The following DCDC1 variants were observed in gnomAD, a reference collection of about 807,000 sequenced individuals.
DCDC1 encodes doublecortin domain containing 1.
In DCDC1, 200 loss-of-function variants were observed where a neutral mutation model predicts 178.3. The ratio of observed to expected loss-of-function variants is 1.12; its 90% CI spans 1.00 to 1.26. DCDC1 has a LOEUF of 1.26. DCDC1 is among the 50% of genes most tolerant of loss of function. The probability of loss-of-function intolerance (pLI) is 0.00; values close to 1 mark genes in which losing one functional copy is unlikely to be tolerated. For missense variants in DCDC1, 1,983 were observed against 1,749.2 expected (o/e 1.13, Z -2.38); for synonymous variants, 690 against 604.8 (o/e 1.14, Z -2.07).
At chr11:31,114,238 T>G (rs918384952) in intron 11 of DCDC1, among the ~76,000 whole-genome samples, 2 of 152,072 alleles carry the variant, frequency 1.3e-5, no homozygotes, top group African/African-American at 4.8e-5. Flanking sequence ...TCACGTGGTA[T>G]AAGAAAGGGT....
intron 20 of DCDC1, among the ~76,000 whole-genome samples, chr11:31,008,360 G>T (rs555555923): frequency 6.6e-6 from 1 of 152,074 alleles, no homozygotes; most frequent in African/African-American, 2.4e-5. Context: ...AGAGTAAGAG[G>T]TAGGGTGGAT....
At chr11:30,996,873 C>T (rs569996460) in intron 20 of DCDC1, among the ~76,000 whole-genome samples, 9 of 152,166 alleles carry the variant, frequency 5.9e-5, no homozygotes, top group Non-Finnish European at 1.0e-4. Flanking sequence ...AAATTTTGTT[C>T]GCATAAAAAC....
At chr11:30,889,704 C>T (rs988161972) in intron 36 of DCDC1, among the ~76,000 whole-genome samples, 2 of 152,190 alleles carry the variant, frequency 1.3e-5, no homozygotes, top group Non-Finnish European at 2.9e-5. Flanking sequence ...GGAAGAGATT[C>T]GAAGTTTCTA....
chr11:31,154,512 A>C (rs1965523360), intron 9 of DCDC1, among the ~76,000 whole-genome samples: 2 of 152,178 alleles, frequency 1.3e-5, no homozygotes, highest in Admixed American at 1.3e-4. Flanking sequence ...GATCCCTTCT[A>C]CCAGACTGAG....
intron 1 of DCDC1, among the ~76,000 whole-genome samples, chr11:31,349,111 T>C (rs568866740): frequency 5.9e-5 from 9 of 152,260 alleles, no homozygotes; most frequent in Non-Finnish European, 1.3e-4. Flanking sequence ...GTGACAAATG[T>C]TTTTGCTTGT....
intron 11 of DCDC1, among the ~76,000 whole-genome samples, chr11:31,111,947 A>T (rs1959183706): frequency 6.6e-6 from 1 of 152,202 alleles, no homozygotes; most frequent in South Asian, 2.1e-4. Flanking sequence ...TACCTTCATT[A>T]GCTCACTACT....
chr11:31,098,390 A>T (rs371247677), intron 15 of DCDC1, among the ~76,000 whole-genome samples: 50 of 152,292 alleles, frequency 3.3e-4, no homozygotes, highest in African/African-American at 1.1e-3. Flanking sequence ...TCTGTTTTTG[A>T]AATGGATAAG....
intron 29 of DCDC1, 83 bp downstream of exon 29, chr11:30,908,863 A>AG: frequency 7.6e-7 from 1 of 1,308,882 alleles, no homozygotes; most frequent in Non-Finnish European, 1.0e-6. Context: ...AAAGTTTTCT[A>AG]GGGAAAAAAA....
chr11:31,296,412 C>T (rs889238074), intron 6 of DCDC1, among the ~76,000 whole-genome samples: 1 of 152,154 alleles, frequency 6.6e-6, no homozygotes, highest in African/African-American at 2.4e-5. Flanking sequence ...CTTACTGCTC[C>T]ATCAACAACA....
intron 2 of DCDC1, among the ~76,000 whole-genome samples, chr11:31,330,037 T>G (rs1443923498): frequency 6.6e-6 from 1 of 152,200 alleles, no homozygotes. Context: ...GCATTCCTAT[T>G]TCTCCACATC....
At chr11:31,309,676 G>T (rs1010127861) in intron 3 of DCDC1, among the ~76,000 whole-genome samples, 8 of 151,776 alleles carry the variant, frequency 5.3e-5, no homozygotes, top group African/African-American at 1.9e-4. Flanking sequence ...AGTAGAATAA[G>T]GTGTCTTTTT....
Position 30,925,413 on chromosome 11 carries a change from A to G in DCDC1, c.2898-5T>C, listed in dbSNP as rs1203076061. The stretch of plus-strand genomic sequence containing the variant: ...AAATTTAAAATCTCAGTGCACCTGT[A>G]ATAAAAGACACAAAAATTGACCTTG... On this transcript the variant is annotated splice_polypyrimidine_tract_variant and splice_region_variant and intron_variant, in intron 22 of 38. Coordinates refer to ENST00000684477, the MANE Select transcript of DCDC1 (RefSeq NM_001387274.1). 4 of 1,612,620 alleles carry G rather than the reference A, an allele frequency of 2.5e-6. No individual in the cohort carries two copies. The African/African-American group carries it at 4.0e-5, about 16-fold the overall frequency.
At chr11:31,113,785 TA>T (rs536910238) in intron 11 of DCDC1, among the ~76,000 whole-genome samples, 24 of 151,794 alleles carry the variant, frequency 1.6e-4, no homozygotes, top group African/African-American at 4.3e-4. Flanking sequence ...GCATGGTTAA[TA>T]AAAAAAAATT....
chr11:31,055,856 A>C (rs1955551830), intron 20 of DCDC1, among the ~76,000 whole-genome samples: 1 of 152,094 alleles, frequency 6.6e-6, no homozygotes, highest in South Asian at 2.1e-4. Flanking sequence ...GGGGGGAAGG[A>C]TGGGAGTGGG....
intron 38 of DCDC1, among the ~76,000 whole-genome samples, chr11:30,868,350 C>T (rs1035365404): frequency 2.0e-5 from 3 of 148,308 alleles, no homozygotes; most frequent in African/African-American, 7.5e-5. Context: ...TCCCGGGTTC[C>T]AGAGATTCTC....
chr11:30,904,223 CT>C (rs1233055949), intron 31 of DCDC1: 6 of 152,152 alleles, frequency 3.9e-5, no homozygotes, highest in African/African-American at 1.4e-4. Context: ...CTGTATTTTG[CT>C]TAGTTTATTG....
Position 31,290,767 on chromosome 11 carries a change from A to G in DCDC1, c.840T>C (p.Pro280=). The part of the protein sequence containing the change: ...PTDIKRRKTK[P]VLSIRMKKLT... ...GTTTCTTCATTCTAATAGAAAGAAC[A>G]GGCTTGGTTTTCCGTCTTTTGATAT... The change falls in exon 7 of 39, where the codon CCT becomes CCC. Residue 280 remains proline (P), a synonymous_variant. Transcript: ENST00000684477. 1 of 1,613,524 alleles carries G rather than the reference A, an allele frequency of 6.2e-7. No homozygotes were observed. Among genetic ancestry groups the G allele is most frequent in the Middle Eastern group, 1.7e-4 (1 of 6,060 alleles).
At chr11:30,939,014 C>T (rs373007771) in intron 21 of DCDC1, among the ~76,000 whole-genome samples, 50 of 152,236 alleles carry the variant, frequency 3.3e-4, no homozygotes, top group East Asian at 1.7e-3. Context: ...CTGTTTCCCT[C>T]GCGGGATAAT....
At chr11:31,309,142 T>TGTGTGTGTGTGTGTGTG (rs1555173338) in intron 3 of DCDC1, among the ~76,000 whole-genome samples, 16 of 147,958 alleles carry the variant, frequency 1.1e-4, no homozygotes, top group African/African-American at 3.3e-4. Context: ...AAATAGATGT[T>TGTGTGTGTGTGTGTGTG]TGTGTGTGTG....
Sources: gnomAD v4.1 joint callset for allele counts (sites outside exome capture counted in the v4.1 genomes callset) on GRCh38, gnomAD v4.1.1 for gene constraint, MANE v1.5 for transcripts, NCBI Gene and HGNC (gene_info 2026-07-23, HGNC 2026-07-21) for gene names.